Variants in MNAT1 observed in about 807,000 individuals in gnomAD.
The protein encoded by MNAT1 is MNAT1 component of CDK activating kinase.
In MNAT1, 43 loss-of-function variants were observed where a neutral mutation model predicts 42.0. The ratio of observed to expected loss-of-function variants is 1.02; its 90% CI spans 0.80 to 1.32. The LOEUF is 1.32. Ranked by LOEUF, MNAT1 falls within the 40% of genes most tolerant of loss-of-function variation. The probability of loss-of-function intolerance (pLI) is 0.00; values close to 1 mark genes in which losing one functional copy is unlikely to be tolerated. For synonymous variants in MNAT1, 118 were observed against 120.0 expected (o/e 0.98, Z 0.11); for missense variants, 306 against 350.4 (o/e 0.87, Z 1.01).
At chr14:60,967,767 C>A (rs756666983) in intron 7 of MNAT1, among the ~76,000 whole-genome samples, 1 of 152,158 alleles carries the variant, frequency 6.6e-6, no homozygotes, top group Non-Finnish European at 1.5e-5. Context: ...GTAACTCATA[C>A]GTTTTCTCCC....
At chr14:60,841,001 T>C (rs892836125) in intron 6 of MNAT1, among the ~76,000 whole-genome samples, 1 of 152,170 alleles carries the variant, frequency 6.6e-6, no homozygotes, top group African/African-American at 2.4e-5. Flanking sequence ...TGGTCTGTCT[T>C]GGTGAATATT....
intron 5 of MNAT1, among the ~76,000 whole-genome samples, chr14:60,812,823 TCC>T (rs1322522443): frequency 1.3e-5 from 2 of 152,224 alleles, no homozygotes; most frequent in East Asian, 3.9e-4. Flanking sequence ...CCTCTCCAGC[TCC>T]CCTCTCTGCT....
chr14:60,773,519 A>G (rs111571663), intron 1 of MNAT1, among the ~76,000 whole-genome samples: 2 of 152,334 alleles, frequency 1.3e-5, no homozygotes, highest in African/African-American at 4.8e-5. Flanking sequence ...AAAGCAGGAT[A>G]TATATCAATT....
rs144584476 is a variant in MNAT1, at chr14:60,754,685, C to T, written c.89+19734C>T. Among the ~76,000 whole-genome samples, 384 of 152,248 alleles carry T rather than the reference C, an allele frequency of 2.5e-3. 3 individuals carry two copies. Among genetic ancestry groups the T allele is most frequent in the African/African-American group, 8.6e-3 (359 of 41,542 alleles). ...TTTCTAAGGGCGCATGTTCAACAAGCCATTGTCATTAGAGAAGTGGCTTTT... is the reference window on the plus strand; with the variant it reads ...TTTCTAAGGGCGCATGTTCAACAAGTCATTGTCATTAGAGAAGTGGCTTTT... On this transcript the variant is annotated intron_variant, in intron 1 of 7. Coordinates refer to ENST00000261245, the MANE Select transcript of MNAT1 (RefSeq NM_002431.4).
At chr14:60,845,114 G>T (rs1232007545) in intron 6 of MNAT1, among the ~76,000 whole-genome samples, 1 of 151,870 alleles carries the variant, frequency 6.6e-6, no homozygotes, top group East Asian at 1.9e-4. Context: ...AGTAATGCTA[G>T]CAATGGTTTT....
intron 7 of MNAT1, among the ~76,000 whole-genome samples, chr14:60,941,058 A>G (rs1274846655): frequency 6.6e-6 from 1 of 152,214 alleles, no homozygotes; most frequent in Non-Finnish European, 1.5e-5. Context: ...TTGGTAATTT[A>G]ATAAAATTCC....
intron 6 of MNAT1, among the ~76,000 whole-genome samples, chr14:60,859,497 T>G (rs2034043570): frequency 6.6e-6 from 1 of 152,146 alleles, no homozygotes; most frequent in Admixed American, 6.5e-5. Context: ...ATTTTTACAT[T>G]GGGAAATATG....
intron 7 of MNAT1, among the ~76,000 whole-genome samples, chr14:60,920,818 T>G (rs2035642580): frequency 6.6e-6 from 1 of 152,220 alleles, no homozygotes; most frequent in Non-Finnish European, 1.5e-5. Flanking sequence ...TGTATTTCTA[T>G]TTAGAGAGAC....
chr14:60,894,288 T>TA (rs1566540821), intron 7 of MNAT1, among the ~76,000 whole-genome samples: 1 of 151,912 alleles, frequency 6.6e-6, no homozygotes, highest in East Asian at 1.9e-4. Flanking sequence ...TTTTTTTTTT[T>TA]TAAAATAATT....
At chr14:60,838,037 A>T (rs558624434) in intron 6 of MNAT1, among the ~76,000 whole-genome samples, 23 of 151,684 alleles carry the variant, frequency 1.5e-4, no homozygotes, top group African/African-American at 5.3e-4. Context: ...GTAATTTATG[A>T]CCTCTCACTT....
At chr14:60,948,186 T>A (rs2036317723) in intron 7 of MNAT1, among the ~76,000 whole-genome samples, 1 of 152,154 alleles carries the variant, frequency 6.6e-6, no homozygotes, top group African/African-American at 2.4e-5. Context: ...ATCTCAGCGC[T>A]TACCAAGGCC....
At chr14:60,804,136 C>T (rs764623957) in intron 3 of MNAT1, among the ~76,000 whole-genome samples, 2 of 152,140 alleles carry the variant, frequency 1.3e-5, no homozygotes, top group African/African-American at 2.4e-5. Context: ...CAAAATTGTA[C>T]GTGAATAACA....
At chr14:60,915,356 A>C (rs1365817299) in intron 7 of MNAT1, among the ~76,000 whole-genome samples, 1 of 152,138 alleles carries the variant, frequency 6.6e-6, no homozygotes, top group East Asian at 1.9e-4. Context: ...TTGAAAATTG[A>C]GTCATCTTCC....
intron 7 of MNAT1, among the ~76,000 whole-genome samples, chr14:60,939,451 C>G (rs2036087991): frequency 6.6e-6 from 1 of 152,156 alleles, no homozygotes; most frequent in Non-Finnish European, 1.5e-5. Flanking sequence ...TCGTTGGTTT[C>G]AAAGAACATC....
At chr14:60,794,646 A>ATATATAT (rs1358971095) in intron 1 of MNAT1, among the ~76,000 whole-genome samples, 6 of 81,268 alleles carry the variant, frequency 7.4e-5, no homozygotes, top group African/African-American at 2.4e-4. Flanking sequence ...CAAAAAAAAA[A>ATATATAT]AAAAAAAAAA....
intron 7 of MNAT1, among the ~76,000 whole-genome samples, chr14:60,912,838 C>A (rs188673497): frequency 6.6e-6 from 1 of 152,018 alleles, no homozygotes; most frequent in Non-Finnish European, 1.5e-5. Context: ...ATCTTAGTGG[C>A]GTTCTCTGTA....
At chr14:60,825,356 A>G (rs2033024118) in intron 6 of MNAT1, among the ~76,000 whole-genome samples, 1 of 152,220 alleles carries the variant, frequency 6.6e-6, no homozygotes, top group Non-Finnish European at 1.5e-5. Flanking sequence ...GACACAGAAT[A>G]CAGATGAAAG....
At chr14:60,946,216 CAT>C (rs2036273250) in intron 7 of MNAT1, among the ~76,000 whole-genome samples, 1 of 152,188 alleles carries the variant, frequency 6.6e-6, no homozygotes, top group African/African-American at 2.4e-5. Context: ...CTTAAAACCA[CAT>C]AGTCGCTTCA....
chr14:60,855,470 A>T (rs777093525), intron 6 of MNAT1, among the ~76,000 whole-genome samples: 1 of 152,104 alleles, frequency 6.6e-6, no homozygotes, highest in Non-Finnish European at 1.5e-5. Context: ...GAATCTCCTG[A>T]TTTGCACATT....
Sources: gnomAD v4.1 joint callset for allele counts (sites outside exome capture counted in the v4.1 genomes callset) on GRCh38, gnomAD v4.1.1 for gene constraint, MANE v1.5 for transcripts, NCBI Gene and HGNC (gene_info 2026-07-23, HGNC 2026-07-21) for gene names.